Variants in LCOR observed in about 807,000 individuals in gnomAD.
LCOR encodes the protein ligand-dependent corepressor.
LCOR carries 14 observed loss-of-function variants against 64.4 expected under a neutral mutation model. The observed-to-expected ratio is 0.22, with a 90% CI of 0.14 to 0.34. The LOEUF (loss-of-function observed/expected upper bound fraction) is 0.34, where lower values mean the gene tolerates loss of function less well. Among genes scored for constraint, LCOR ranks in the 10% least tolerant of loss-of-function variants. The pLI, the probability that LCOR is intolerant of heterozygous loss-of-function variation, is 1.00. For missense variants in LCOR, 1,686 were observed against 1,765.3 expected, an observed-to-expected ratio of 0.96 and a Z score of 0.80; for synonymous variants, 643 against 642.5, an observed-to-expected ratio of 1.00 and a Z score of -0.01.
At chr10:96,954,306 A>AT (rs772348226) in intron 7 of LCOR, among the ~76,000 whole-genome samples, 29 of 151,496 alleles carry the variant, frequency 1.9e-4, no homozygotes, top group East Asian at 7.7e-4. Context: ...TTATTTGGGA[A>AT]TTTTTTTTTC....
At chr10:96,842,320 G>A (rs1381679549) in intron 2 of LCOR, among the ~76,000 whole-genome samples, 1 of 152,040 alleles carries the variant, frequency 6.6e-6, no homozygotes, top group African/African-American at 2.4e-5. Flanking sequence ...GCTTGAACCC[G>A]GGAGGTGGAG....
chr10:96,923,258 C>T (rs979003466), intron 4 of LCOR, among the ~76,000 whole-genome samples: 106 of 152,302 alleles, frequency 7.0e-4, no homozygotes, highest in African/African-American at 2.5e-3. Flanking sequence ...TCTGTCTATT[C>T]GGGGAGTCTT....
rs1225401206 is a variant in LCOR at position 96,982,678 on chromosome 10, G to A, written c.2218G>A (p.Glu740Lys). 3 of 1,613,988 alleles carry A rather than the reference G, an allele frequency of 1.9e-6. No individual in the cohort carries two copies. Among genetic ancestry groups the A allele is most frequent in the Non-Finnish European group, 8.5e-7 (1 of 1,180,040 alleles). ...TGAGGTTGAGTCTGGAGACACCCAG[G>A]AGCTAAATGTCGACCCACTCTTGAA... ...SAEVESGDTQ[E>K]LNVDPLLKES... Residue 740 changes from glutamate (E) to lysine (K), a missense_variant, in exon 8 of 8, where the codon GAG (glutamate) becomes AAG (lysine). Transcript: ENST00000421806.
At chr10:96,951,179 C>G (rs1179777648) in intron 6 of LCOR, among the ~76,000 whole-genome samples, 1 of 152,032 alleles carries the variant, frequency 6.6e-6, no homozygotes, top group Non-Finnish European at 1.5e-5. Context: ...TAATTTTGGA[C>G]AGAGTGGTAG....
intron 2 of LCOR, among the ~76,000 whole-genome samples, chr10:96,836,183 A>G (rs1845437922): frequency 6.6e-6 from 1 of 152,204 alleles, no homozygotes; most frequent in Admixed American, 6.5e-5. Context: ...GAGCAATTCT[A>G]GGAAGTATTT....
intron 7 of LCOR, chr10:96,957,764 T>A: frequency 1.0e-6 from 1 of 985,442 alleles, no homozygotes; most frequent in Non-Finnish European, 1.2e-6. Context: ...ACCATTGCTG[T>A]TACTAAAATA....
intron 2 of LCOR, among the ~76,000 whole-genome samples, chr10:96,900,544 CTG>C (rs1445079489): frequency 6.6e-6 from 1 of 151,804 alleles, no homozygotes; most frequent in Admixed American, 6.6e-5. Flanking sequence ...AAAAAAGAAA[CTG>C]ATAGGATCAA....
chr10:96,893,148 A>C (rs980992350), intron 2 of LCOR, among the ~76,000 whole-genome samples: 2 of 152,136 alleles, frequency 1.3e-5, no homozygotes, highest in African/African-American at 4.8e-5. Context: ...GTCTATTTTG[A>C]ATTAATAACA....
At chr10:96,857,917 C>T (rs893346699) in intron 2 of LCOR, among the ~76,000 whole-genome samples, 9 of 152,144 alleles carry the variant, frequency 5.9e-5, no homozygotes, top group African/African-American at 2.2e-4. Flanking sequence ...TTCCCTAACC[C>T]CTGAAGTCTT....
intron 2 of LCOR, among the ~76,000 whole-genome samples, chr10:96,902,371 A>G (rs1162086982): frequency 6.6e-6 from 1 of 152,162 alleles, no homozygotes; most frequent in Non-Finnish European, 1.5e-5. Flanking sequence ...CATCTGGGAG[A>G]ATGTGCTCAG....
At chr10:96,844,718 G>A (rs1845597944) in intron 2 of LCOR, among the ~76,000 whole-genome samples, 1 of 152,190 alleles carries the variant, frequency 6.6e-6, no homozygotes, top group South Asian at 2.1e-4. Flanking sequence ...CATTAACTGA[G>A]ATTGGAGCGT....
At position 96,921,380 on chromosome 10, in the gene LCOR, T is replaced by C. The variant is rs1437268305; in HGVS notation, c.-184+13633T>C. Among the ~76,000 whole-genome samples, 21 of 152,202 alleles carry C rather than the reference T, an allele frequency of 1.4e-4. 1 individual carries two copies. The highest frequency in any genetic ancestry group is 1.4e-3 in the Admixed American group (21 of 15,280). ...TCTAAAAGTTTTATAGTTTTAGCTC[T>C]TACAATTAGGTCTTCAATCTATTTT... On this transcript the variant is annotated intron_variant, in intron 4 of 7. Coordinates refer to ENST00000421806, the MANE Select transcript of LCOR (RefSeq NM_001346516.2).
intron 7 of LCOR, chr10:96,956,159 G>A: frequency 7.6e-7 from 1 of 1,308,068 alleles, no homozygotes; most frequent in Non-Finnish European, 9.7e-7. Flanking sequence ...CTACAAAAGA[G>A]AATTGAGTTA....
In LCOR at chr10:96,984,992, C is replaced by T. The variant is rs146340972; in HGVS notation, c.4532C>T (p.Thr1511Met). ...GESSSRPQKA[T>M]NRKQSSGKTR... ...TCCTCTTCAAGGCCTCAGAAAGCCA[C>T]GAATAGGAAGCAGAGTAGTGGAAAG... Residue 1511 changes from threonine to methionine, a missense_variant, in exon 8 of 8, where the codon ACG becomes ATG. By Grantham distance (81) the Thr-to-Met change is moderately conservative. Coordinates refer to ENST00000421806, the MANE Select transcript of LCOR (RefSeq NM_001346516.2). 1.5e-5 allele frequency: 25 copies of T among 1,613,968 alleles called. No individual in the cohort carries two copies. The highest frequency in any genetic ancestry group is 2.2e-5 in the South Asian group (2 of 91,086).
At chr10:96,842,770 A>G (rs1022280811) in intron 2 of LCOR, among the ~76,000 whole-genome samples, 5 of 151,466 alleles carry the variant, frequency 3.3e-5, no homozygotes, top group African/African-American at 1.2e-4. Context: ...AGCCGGGATT[A>G]CAGGCATATG....
chr10:96,837,140 G>A (rs1213591109), intron 2 of LCOR, among the ~76,000 whole-genome samples: 3 of 151,966 alleles, frequency 2.0e-5, no homozygotes, highest in South Asian at 2.1e-4. Flanking sequence ...ACAGGTGCCC[G>A]CCACCACGCT....
intron 2 of LCOR, among the ~76,000 whole-genome samples, chr10:96,855,194 A>G (rs370803844): frequency 3.9e-5 from 6 of 152,288 alleles, no homozygotes; most frequent in African/African-American, 1.2e-4. Context: ...AATAGCCTAA[A>G]GTGGGAAGCA....
rs367725034 is a variant in LCOR at position 96,908,961 on chromosome 10, C to T, written c.-184+1214C>T. Among the ~76,000 whole-genome samples, 9 of 151,860 alleles carry T rather than the reference C, an allele frequency of 5.9e-5. No individual in the cohort carries two copies. The East Asian group carries it at 1.2e-3, about 20-fold the overall frequency. ...CGATCTCCTGACCTTGTGATCCGCC[C>T]GCCTCGGCCTCCCAAAGTGCTAGGA... On this transcript the variant is annotated intron_variant, in intron 4 of 7. Transcript: ENST00000421806.
chr10:96,968,316 G>A (rs1020378248), intron 7 of LCOR, among the ~76,000 whole-genome samples: 22 of 151,970 alleles, frequency 1.4e-4, no homozygotes, highest in Non-Finnish European at 1.5e-4. Flanking sequence ...ACTTATCTCC[G>A]TACCACTTTG....
Sources: allele counts gnomAD v4.1 joint callset (sites outside exome capture counted in the v4.1 genomes callset), GRCh38; gene constraint gnomAD v4.1.1; transcripts MANE v1.5; gene names NCBI Gene and HGNC (gene_info 2026-07-23, HGNC 2026-07-21).